Variants in GLP2R observed in about 807,000 individuals in gnomAD.
GLP2R encodes glucagon-like peptide 2 receptor.
A neutral mutation model predicts 68.2 loss-of-function variants in GLP2R; 59 were observed. The observed-to-expected ratio is 0.87, with a 90% CI of 0.70 to 1.07. The LOEUF is 1.07. Among genes scored for constraint, GLP2R ranks in the 50% least tolerant of loss-of-function variants. The pLI is 0.00. For synonymous variants in GLP2R, 270 were observed against 265.4 expected (o/e 1.02, Z -0.17); for missense variants, 548 against 677.4 (o/e 0.81, Z 2.12).
intron 10 of GLP2R, among the ~76,000 whole-genome samples, chr17:9,873,139 C>G (rs1489602530): frequency 6.6e-6 from 1 of 152,164 alleles, no homozygotes; most frequent in Admixed American, 6.5e-5. Context: ...TCTAGTCCAC[C>G]CTGCTGGGTG....
At chr17:9,831,601 G>A (rs1473710427) in intron 1 of GLP2R, among the ~76,000 whole-genome samples, 1 of 152,158 alleles carries the variant, frequency 6.6e-6, no homozygotes, top group Admixed American at 6.5e-5. Flanking sequence ...GGGCAGAAGC[G>A]AGTGCCAATG....
chr17:9,882,098 T>C (rs2067202074), intron 11 of GLP2R, among the ~76,000 whole-genome samples: 1 of 151,266 alleles, frequency 6.6e-6, no homozygotes, highest in African/African-American at 2.4e-5. Flanking sequence ...TGAAATTCAG[T>C]AATAACAGTG....
intron 3 of GLP2R, among the ~76,000 whole-genome samples, chr17:9,841,416 C>T (rs529701981): frequency 3.4e-4 from 51 of 152,114 alleles, no homozygotes; most frequent in South Asian, 2.1e-3. Flanking sequence ...TCCCATCTCC[C>T]GGTGGGAGGT....
Position 9,870,838 on chromosome 17 carries a change from G to A in GLP2R, c.1145+3G>A, listed in dbSNP as rs775517930. ...TGCTTCAGAGATTATAAATACAGGT[G>A]AGTGGCTTAAGGTTGGTCCCCAGCA... On this transcript the variant is annotated splice_donor_region_variant and intron_variant, in intron 10 of 12. Coordinates refer to ENST00000262441, the MANE Select transcript of GLP2R (RefSeq NM_004246.3). 2 of 1,421,626 alleles carry A rather than the reference G, an allele frequency of 1.4e-6. No individual in the cohort carries two copies. Among genetic ancestry groups the A allele is most frequent in the East Asian group, 2.3e-5 (1 of 43,964 alleles). The allele number at this position is 1,421,626 out of a possible 1,614,324, so 88.1% of individuals were successfully genotyped here.
intron 9 of GLP2R, among the ~76,000 whole-genome samples, chr17:9,865,326 G>A (rs2067025323): frequency 6.6e-6 from 1 of 152,054 alleles, no homozygotes; most frequent in South Asian, 2.1e-4. Context: ...GTGTGTGTGT[G>A]TGTGTGTGTG....
chr17:9,841,409 C>T, intron 3 of GLP2R, among the ~76,000 whole-genome samples: 1 of 152,002 alleles, frequency 6.6e-6, no homozygotes, highest in East Asian at 1.9e-4. Context: ...AGAGGAGTCC[C>T]ATCTCCCGGT....
intron 11 of GLP2R, among the ~76,000 whole-genome samples, chr17:9,886,837 C>T (rs1306422371): frequency 6.6e-6 from 1 of 152,176 alleles, no homozygotes; most frequent in South Asian, 2.1e-4. Context: ...AGTCAGCCTG[C>T]CACTGGGACC....
At chr17:9,843,232 C>T (rs907796765) in intron 4 of GLP2R, among the ~76,000 whole-genome samples, 2 of 152,186 alleles carry the variant, frequency 1.3e-5, no homozygotes, top group Admixed American at 1.3e-4. Flanking sequence ...AATAAGCCCC[C>T]AAAAGGGGAA....
rs768450535 is a variant in GLP2R, at chr17:9,866,839, A to G, written c.1057-3908A>G. ...CAATTTTCCACTGATCTGAATAGAC[A>G]TAACCCCAACTCTAAAAGAGAATTC... On this transcript the variant is annotated intron_variant, in intron 9 of 12. Coordinates refer to ENST00000262441, the MANE Select transcript of GLP2R (RefSeq NM_004246.3). The G allele has an allele frequency of 3.3e-5, 5 of 152,256 alleles. 1 individual carries two copies. Among genetic ancestry groups the G allele is most frequent in the South Asian group, 4.1e-4 (2 of 4,832 alleles). The allele number at this position is 152,256 out of a possible 1,614,324, so 9.4% of individuals were successfully genotyped here. A position where few individuals can be genotyped will look rare whatever the true frequency, so the allele number is the denominator to read the frequency against.
chr17:9,854,816 T>C (rs555994469), intron 5 of GLP2R, among the ~76,000 whole-genome samples: 3 of 152,274 alleles, frequency 2.0e-5, no homozygotes, highest in East Asian at 1.9e-4. Context: ...ATTTATAAAT[T>C]AGGCACAGTG....
intron 3 of GLP2R, 92 bp from the exon 4 acceptor site, chr17:9,842,403 C>T: frequency 1.3e-6 from 2 of 1,514,950 alleles, no homozygotes; most frequent in South Asian, 2.4e-5. Context: ...ATGAAAATCC[C>T]TTCTCCCTGG....
At position 9,872,909 on chromosome 17, in the gene GLP2R, T is replaced by C. The variant is rs541552308; in HGVS notation, c.1145+2074T>C. ...AGGGTAAACATACCCGGTTCAATAA[T>C]GGGCAGACATACTATAGTTGCTAGT... On this transcript the variant is annotated intron_variant, in intron 10 of 12. Transcript: ENST00000262441. 4.6e-5 allele frequency among the ~76,000 whole-genome samples: 7 copies of C among 152,330 alleles called. No individual in the cohort carries two copies. In the South Asian group the frequency reaches 1.4e-3, roughly 32 times the overall value.
intron 5 of GLP2R, among the ~76,000 whole-genome samples, chr17:9,856,130 G>T (rs1000213583): frequency 6.6e-6 from 1 of 152,144 alleles, no homozygotes; most frequent in African/African-American, 2.4e-5. Context: ...TACCCCATTG[G>T]GAGAACCATG....
At chr17:9,873,556 C>CTTTTTTTT (rs3073988) in intron 10 of GLP2R, among the ~76,000 whole-genome samples, 689 of 52,044 alleles carry the variant, frequency 0.013, 148 homozygotes, top group African/African-American at 0.055. Flanking sequence ...TATGCATGGA[C>CTTTTTTTT]TTTTTTTTTT....
chr17:9,871,343 CAAA>C (rs34449375), intron 10 of GLP2R, among the ~76,000 whole-genome samples: 12 of 95,742 alleles, frequency 1.3e-4, no homozygotes, highest in Admixed American at 1.2e-4. Flanking sequence ...GACCCTGTCT[CAAA>C]AAAAAAAAAA....
At chr17:9,837,209 T>C (rs1353065651) in intron 3 of GLP2R, among the ~76,000 whole-genome samples, 1 of 152,110 alleles carries the variant, frequency 6.6e-6, no homozygotes, top group Non-Finnish European at 1.5e-5. Flanking sequence ...GTAGCTCTTA[T>C]TCATTCTTTC....
intron 9 of GLP2R, among the ~76,000 whole-genome samples, chr17:9,865,614 T>G (rs145796470): frequency 6.6e-6 from 1 of 152,280 alleles, no homozygotes; most frequent in Non-Finnish European, 1.5e-5. Flanking sequence ...CCTCCTCCCA[T>G]GCACACATAA....
chr17:9,872,502 G>A (rs373438722), intron 10 of GLP2R, among the ~76,000 whole-genome samples: 1 of 152,198 alleles, frequency 6.6e-6, no homozygotes, highest in South Asian at 2.1e-4. Flanking sequence ...ACTTGAATTC[G>A]GGAGGCGGAG....
chr17:9,858,296 C>T (rs116901785), intron 6 of GLP2R, among the ~76,000 whole-genome samples: 2,460 of 152,314 alleles, frequency 0.016, 29 homozygotes, highest in Non-Finnish European at 0.024. Context: ...CTGCTAATGA[C>T]GCAGTAACCT....
Sources: gnomAD v4.1 joint callset for allele counts (sites outside exome capture counted in the v4.1 genomes callset) on GRCh38, gnomAD v4.1.1 for gene constraint, MANE v1.5 for transcripts, NCBI Gene and HGNC (gene_info 2026-07-23, HGNC 2026-07-21) for gene names.